METTL24: variants seen among roughly 807,000 people sequenced by gnomAD.
METTL24 encodes the protein probable methyltransferase-like protein 24.
In METTL24, 29 loss-of-function variants were observed where a neutral mutation model predicts 32.7. The observed-to-expected ratio is 0.89, with a 90% CI of 0.66 to 1.21. The LOEUF is 1.21. METTL24 is among the 50% of genes most tolerant of loss of function. The pLI is 0.00. For synonymous variants in METTL24, 163 were observed against 179.5 expected, an observed-to-expected ratio of 0.91 and a Z score of 0.73; for missense variants, 439 against 468.1, an observed-to-expected ratio of 0.94 and a Z score of 0.57.
intron 1 of METTL24, among the ~76,000 whole-genome samples, chr6:110,351,133 C>T (rs1032271895): frequency 5.9e-5 from 9 of 151,666 alleles, no homozygotes; most frequent in Non-Finnish European, 7.4e-5. Flanking sequence ...GTTGGGAGGT[C>T]GAGGCTGCAG....
At chr6:110,318,185 T>C (rs1405843435) in intron 2 of METTL24, among the ~76,000 whole-genome samples, 10 of 152,236 alleles carry the variant, frequency 6.6e-5, no homozygotes, top group Non-Finnish European at 1.0e-4. Context: ...CCTCCTTTGC[T>C]AAAGTCAGGA....
intron 2 of METTL24, among the ~76,000 whole-genome samples, chr6:110,321,994 AG>A (rs1178449689): frequency 1.3e-5 from 2 of 152,158 alleles, no homozygotes; most frequent in Admixed American, 6.5e-5. Flanking sequence ...GCTCACAGGC[AG>A]TCTGAGCTGC....
At chr6:110,280,621 T>C (rs1582398551) in intron 4 of METTL24, among the ~76,000 whole-genome samples, 2 of 152,080 alleles carry the variant, frequency 1.3e-5, no homozygotes, top group East Asian at 3.9e-4. Context: ...TATATACCAC[T>C]GAGAGAAAAG....
intron 1 of METTL24, among the ~76,000 whole-genome samples, chr6:110,326,905 T>C (rs1772026801): frequency 6.6e-6 from 1 of 152,046 alleles, no homozygotes; most frequent in South Asian, 2.1e-4. Context: ...AGGGTGGAGG[T>C]TGGGCCAGCA....
chr6:110,250,020 C>T (rs1430595622), intron 4 of METTL24, among the ~76,000 whole-genome samples: 1 of 151,948 alleles, frequency 6.6e-6, no homozygotes, highest in Non-Finnish European at 1.5e-5. Flanking sequence ...AGACCTGATG[C>T]CATCTGGCAG....
At chr6:110,304,111 A>G (rs1771586648) in intron 3 of METTL24, among the ~76,000 whole-genome samples, 1 of 152,234 alleles carries the variant, frequency 6.6e-6, no homozygotes, top group South Asian at 2.1e-4. Context: ...AACAGAAAGC[A>G]ATAGAATCAA....
chr6:110,347,718 A>G (rs866775973), intron 1 of METTL24, among the ~76,000 whole-genome samples: 22 of 152,318 alleles, frequency 1.4e-4, no homozygotes, highest in Admixed American at 5.2e-4. Flanking sequence ...CTGGAATCCC[A>G]TTTATACTGT....
intron 4 of METTL24, among the ~76,000 whole-genome samples, chr6:110,261,762 G>C (rs1222580036): frequency 5.9e-5 from 9 of 152,088 alleles, no homozygotes; most frequent in African/African-American, 1.9e-4. Context: ...TTATAACAAA[G>C]TGTATCTCAG....
intron 1 of METTL24, among the ~76,000 whole-genome samples, chr6:110,335,134 C>G (rs1314331976): frequency 6.6e-6 from 1 of 152,198 alleles, no homozygotes; most frequent in Non-Finnish European, 1.5e-5. Flanking sequence ...TACGAAGTGG[C>G]CTTTTTCAGG....
At chr6:110,251,184 G>A (rs2114690962) in intron 4 of METTL24, among the ~76,000 whole-genome samples, 1 of 152,272 alleles carries the variant, frequency 6.6e-6, no homozygotes, top group Admixed American at 6.5e-5. Flanking sequence ...CACAGAAAGG[G>A]GAAGAGAAGT....
chr6:110,318,066 C>T (rs1441905161), intron 2 of METTL24, among the ~76,000 whole-genome samples: 1 of 152,156 alleles, frequency 6.6e-6, no homozygotes, highest in Non-Finnish European at 1.5e-5. Context: ...CCTCTGACTC[C>T]CAACCCTAAC....
intron 3 of METTL24, among the ~76,000 whole-genome samples, chr6:110,304,683 C>A (rs1356643151): frequency 2.0e-5 from 3 of 152,024 alleles, no homozygotes; most frequent in Non-Finnish European, 4.4e-5. Context: ...AAAGACCAAA[C>A]CTATAATTGA....
intron 1 of METTL24, among the ~76,000 whole-genome samples, chr6:110,344,398 T>C (rs1435073189): frequency 6.6e-6 from 1 of 152,160 alleles, no homozygotes; most frequent in African/African-American, 2.4e-5. Context: ...AGGCCACTTC[T>C]GTAGCAGGGG....
At chr6:110,262,978 T>C (rs1035249645) in intron 4 of METTL24, among the ~76,000 whole-genome samples, 4 of 152,136 alleles carry the variant, frequency 2.6e-5, no homozygotes, top group Admixed American at 2.6e-4. Flanking sequence ...CTCAAAATAA[T>C]CAGAGCTATT....
chr6:110,247,136 C>T (rs56241136), intron 4 of METTL24, among the ~76,000 whole-genome samples: 10,915 of 152,242 alleles, frequency 0.072, 577 homozygotes, highest in African/African-American at 0.16. Flanking sequence ...GAACCCTAAA[C>T]ACAATGAAAG....
intron 4 of METTL24, among the ~76,000 whole-genome samples, chr6:110,250,166 G>A (rs1214737762): frequency 6.6e-6 from 1 of 151,884 alleles, no homozygotes; most frequent in African/African-American, 2.4e-5. Flanking sequence ...CATGGATTGG[G>A]AGGTTTAAAT....
At chr6:110,313,918 T>C (rs1157996215) in intron 3 of METTL24, among the ~76,000 whole-genome samples, 2 of 152,238 alleles carry the variant, frequency 1.3e-5, no homozygotes, top group Non-Finnish European at 2.9e-5. Context: ...TATACACCAT[T>C]GCTCTTCATT....
rs1428254261 is a variant in METTL24, at chr6:110,342,219, A to G, written c.318+15736T>C. Reference sequence around the variant, plus strand: ...TGAGGCTCTCTCTGCTCTGGCAAACAGCAAGCTCCTATGTTTCTAATGCAG... The same window carrying G: ...TGAGGCTCTCTCTGCTCTGGCAAACGGCAAGCTCCTATGTTTCTAATGCAG... On this transcript the variant is annotated intron_variant, in intron 1 of 4. Coordinates refer to ENST00000338882, the MANE Select transcript of METTL24 (RefSeq NM_001123364.3). Among the ~76,000 whole-genome samples, 3 of 152,210 alleles carry G rather than the reference A, an allele frequency of 2.0e-5. No individual in the cohort carries two copies. In the East Asian group the frequency reaches 5.8e-4, roughly 29 times the overall value.
At chr6:110,249,900 G>A (rs1778243621) in intron 4 of METTL24, among the ~76,000 whole-genome samples, 1 of 151,996 alleles carries the variant, frequency 6.6e-6, no homozygotes, top group African/African-American at 2.4e-5. Flanking sequence ...GTGTATTAAA[G>A]GGGTCCTCCT....
Sources: allele counts gnomAD v4.1 joint callset (sites outside exome capture counted in the v4.1 genomes callset), GRCh38; gene constraint gnomAD v4.1.1; transcripts MANE v1.5; gene names NCBI Gene and HGNC (gene_info 2026-07-23, HGNC 2026-07-21).